Variants in STX2 observed in about 807,000 individuals in gnomAD.
The protein encoded by STX2 is syntaxin 2.
STX2 carries 27 observed loss-of-function variants against 40.6 expected under a neutral mutation model. The ratio of observed to expected loss-of-function variants is 0.66; its 90% CI spans 0.49 to 0.92. The LOEUF is 0.92. STX2 is among the 40% of genes least tolerant of loss of function. The probability of loss-of-function intolerance (pLI) is 0.00; values close to 1 mark genes in which losing one functional copy is unlikely to be tolerated. For missense variants in STX2, 328 were observed against 366.1 expected (o/e 0.90, Z 0.85); for synonymous variants, 123 against 119.1 (o/e 1.03, Z -0.22).
At chr12:130,831,405 C>T (rs1347811816) in intron 1 of STX2, among the ~76,000 whole-genome samples, 1 of 152,218 alleles carries the variant, frequency 6.6e-6, no homozygotes, top group Non-Finnish European at 1.5e-5. Flanking sequence ...CAGCTCATGC[C>T]TGTAATCCCA....
chr12:130,795,655 G>A (rs1951006711), intron 10 of STX2, among the ~76,000 whole-genome samples: 1 of 152,206 alleles, frequency 6.6e-6, no homozygotes, highest in Admixed American at 6.5e-5. Context: ...TAGGAGGACA[G>A]TTTTAGCCCA....
At position 130,814,178 on chromosome 12, in the gene STX2, G is replaced by A. The variant is rs113862774; in HGVS notation, c.206-1147C>T. On this transcript the variant is annotated intron_variant, in intron 3 of 10. Coordinates refer to ENST00000392373, the MANE Select transcript of STX2 (RefSeq NM_194356.4). ...TCCAGAGGTGACAGGTCACGCACCAGTGACACCTACTGAGTACTTTCTGTG... is the reference window on the plus strand; with the variant it reads ...TCCAGAGGTGACAGGTCACGCACCAATGACACCTACTGAGTACTTTCTGTG... Among the ~76,000 whole-genome samples the A allele has an allele frequency of 3.9e-3, 594 of 151,960 alleles. 2 individuals carry two copies. The highest frequency in any genetic ancestry group is 0.014 in the African/African-American group (562 of 41,246).
rs536053505 is a variant in STX2, at chr12:130,836,582, G to A, written c.30+2488C>T. On this transcript the variant is annotated intron_variant, in intron 1 of 10. Transcript: ENST00000392373. Reference sequence around the variant, plus strand: ...AGCCACTGTGCCCAGCCAGAAGGCTGCTTTTTATAACTCCCTAAAAACAAA... The same window carrying A: ...AGCCACTGTGCCCAGCCAGAAGGCTACTTTTTATAACTCCCTAAAAACAAA... Among the ~76,000 whole-genome samples the A allele has an allele frequency of 2.0e-5, 3 of 152,244 alleles. No individual in the cohort carries two copies. In the South Asian group the frequency reaches 6.2e-4, roughly 32 times the overall value.
intron 1 of STX2, among the ~76,000 whole-genome samples, chr12:130,833,626 A>T (rs1318925787): frequency 2.0e-5 from 3 of 152,006 alleles, no homozygotes; most frequent in Non-Finnish European, 4.4e-5. Flanking sequence ...GGCCAGGCTG[A>T]TCTAGAACTC....
chr12:130,839,018 T>C (rs1593204388), intron 1 of STX2, 52 bp downstream of exon 1: 4 of 511,218 alleles, frequency 7.8e-6, no homozygotes, highest in Non-Finnish European at 7.6e-6. Flanking sequence ...CCGCCCGCCC[T>C]CCAGACGCCG....
chr12:130,792,954 G>A (rs1950921004), intron 10 of STX2, among the ~76,000 whole-genome samples: 1 of 152,218 alleles, frequency 6.6e-6, no homozygotes, highest in Non-Finnish European at 1.5e-5. Flanking sequence ...GTCTCCTCCA[G>A]GAAGCTTGTC....
chr12:130,829,027 C>T (rs940295849), intron 1 of STX2, among the ~76,000 whole-genome samples: 1 of 152,198 alleles, frequency 6.6e-6, no homozygotes, highest in South Asian at 2.1e-4. Flanking sequence ...TATTGAGTGT[C>T]GGTTCCCAGG....
chr12:130,805,089 G>C (rs907692460), intron 6 of STX2, among the ~76,000 whole-genome samples: 11 of 152,140 alleles, frequency 7.2e-5, no homozygotes, highest in Admixed American at 4.6e-4. Context: ...CAGTGCAACC[G>C]GCTGCCTGTA....
chr12:130,809,608 G>A (rs1287920980), intron 4 of STX2, among the ~76,000 whole-genome samples: 1 of 152,184 alleles, frequency 6.6e-6, no homozygotes. Context: ...CTTGAGGCCA[G>A]GGGTTCGAGA....
At chr12:130,818,185 A>AAAAAAATATATATATATAT in intron 3 of STX2, among the ~76,000 whole-genome samples, 7 of 70,544 alleles carry the variant, frequency 9.9e-5, no homozygotes, top group South Asian at 3.7e-4. Flanking sequence ...AAAAAAAAAA[A>AAAAAAATATATATATATAT]ATATATATAT....
intron 1 of STX2, among the ~76,000 whole-genome samples, chr12:130,831,966 G>A (rs566802057): frequency 8.6e-5 from 13 of 150,710 alleles, no homozygotes; most frequent in African/African-American, 2.7e-4. Context: ...AACCTCCTGG[G>A]CTCAGGTGAT....
chr12:130,833,638 T>G (rs1358142543), intron 1 of STX2, among the ~76,000 whole-genome samples: 1 of 152,152 alleles, frequency 6.6e-6, no homozygotes, highest in Non-Finnish European at 1.5e-5. Flanking sequence ...CTAGAACTCC[T>G]GACCTCAAGT....
rs1249505816 is a variant in STX2, at chr12:130,790,543, A to G, written c.*1480T>C. 6.6e-6 allele frequency: 1 copy of G among 152,240 alleles called. No individual in the cohort carries two copies. Among genetic ancestry groups the G allele is most frequent in the Non-Finnish European group, 1.5e-5 (1 of 68,034 alleles). The allele number at this position is 152,240 out of a possible 1,614,324, so 9.4% of individuals were successfully genotyped here. ...ATATTCTTCTACTAAAAAAATGAGC[A>G]ATAAAAAGGTTTAATTATCATGAAT... is the stretch of plus-strand genomic sequence containing the variant. On this transcript the variant is annotated 3_prime_UTR_variant, in exon 11 of 11. Transcript: ENST00000392373.
At chr12:130,806,644 A>C (rs1951445229) in intron 6 of STX2, among the ~76,000 whole-genome samples, 2 of 152,166 alleles carry the variant, frequency 1.3e-5, no homozygotes, top group Non-Finnish European at 2.9e-5. Context: ...AGACAAGGAG[A>C]GATGTGAGGA....
intron 1 of STX2, among the ~76,000 whole-genome samples, chr12:130,833,412 T>A (rs928864033): frequency 3.8e-4 from 12 of 31,424 alleles, no homozygotes; most frequent in African/African-American, 5.9e-4. Flanking sequence ...CACTCTACCT[T>A]TTTTTTTTTT....
intron 6 of STX2, 58 bp from the exon 7 acceptor site, chr12:130,801,546 C>T (rs1951228791): frequency 2.0e-6 from 3 of 1,468,440 alleles, no homozygotes; most frequent in East Asian, 4.7e-5. Flanking sequence ...AAAACAAAGC[C>T]ATTTGCAACC....
chr12:130,834,040 C>T (rs542166685), intron 1 of STX2, among the ~76,000 whole-genome samples: 5 of 152,150 alleles, frequency 3.3e-5, no homozygotes, highest in South Asian at 4.1e-4. Context: ...TGGGAACATG[C>T]GAGGAAAGGG....
intron 9 of STX2, among the ~76,000 whole-genome samples, chr12:130,796,393 G>C (rs1414534965): frequency 6.6e-6 from 1 of 152,136 alleles, no homozygotes; most frequent in Non-Finnish European, 1.5e-5. Flanking sequence ...GGCTGTGGCA[G>C]GAGAATCACT....
chr12:130,801,392 C>T, intron 7 of STX2, 23 bp downstream of exon 7: 1 of 1,600,428 alleles, frequency 6.2e-7, no homozygotes, highest in Non-Finnish European at 8.5e-7. Context: ...GACATGGAGC[C>T]ACAGGGCCGC....
Sources: gnomAD v4.1 joint callset for allele counts (sites outside exome capture counted in the v4.1 genomes callset) on GRCh38, gnomAD v4.1.1 for gene constraint, MANE v1.5 for transcripts, NCBI Gene and HGNC (gene_info 2026-07-23, HGNC 2026-07-21) for gene names.